SYT2: variants seen among roughly 807,000 people sequenced by gnomAD.
The protein encoded by SYT2 is synaptotagmin 2.
A neutral mutation model predicts 39.9 loss-of-function variants in SYT2; 15 were observed. The observed-to-expected ratio is 0.38, with a 90% CI of 0.25 to 0.58. The LOEUF is 0.58. Among genes scored for constraint, SYT2 ranks in the 20% least tolerant of loss-of-function variants. SYT2 has a pLI of 0.70. For missense variants in SYT2, 389 were observed against 530.3 expected, an observed-to-expected ratio of 0.73 and a Z score of 2.62; for synonymous variants, 181 against 204.5, an observed-to-expected ratio of 0.89 and a Z score of 0.98.
At chr1:202,641,527 G>A (rs1349434903) in intron 1 of SYT2, among the ~76,000 whole-genome samples, 3 of 152,198 alleles carry the variant, frequency 2.0e-5, no homozygotes, top group Non-Finnish European at 4.4e-5. Context: ...ACTGGGACTC[G>A]TCCGCAACAC....
chr1:202,640,540 G>A (rs1471516996), intron 1 of SYT2, among the ~76,000 whole-genome samples: 3 of 65,732 alleles, frequency 4.6e-5, no homozygotes, highest in African/African-American at 1.6e-4. Flanking sequence ...TGGCTTTACC[G>A]CCTCTCTGCT....
intron 1 of SYT2, among the ~76,000 whole-genome samples, chr1:202,622,652 G>A (rs369050695): frequency 3.9e-5 from 6 of 152,124 alleles, no homozygotes; most frequent in African/African-American, 9.7e-5. Flanking sequence ...GCCTCCCTGC[G>A]CTTGTGCAGC....
At chr1:202,672,777 G>GA (rs1249057694) in intron 1 of SYT2, among the ~76,000 whole-genome samples, 2 of 89,790 alleles carry the variant, frequency 2.2e-5, no homozygotes, top group Non-Finnish European at 4.6e-5. Context: ...GAGGGAGGGA[G>GA]GGAGAGAGAG....
chr1:202,680,130 T>A (rs1653487603), intron 1 of SYT2, among the ~76,000 whole-genome samples: 1 of 152,208 alleles, frequency 6.6e-6, no homozygotes, highest in Admixed American at 6.5e-5. Context: ...TATTTGTTTC[T>A]ATATCCCAGA....
Position 202,667,204 on chromosome 1 carries a change from A to ATT in SYT2, c.-18+43053_-18+43054insAA, listed in dbSNP as rs1195504583. Reference sequence around the variant, plus strand: ...ACTACCACTCCTAGGGCTGGGAGGAAAAAAAGGAGGAGGTGGTGTTATTGG... The same window carrying ATT: ...ACTACCACTCCTAGGGCTGGGAGGAATTAAAAAGGAGGAGGTGGTGTTATTGG... On this transcript the variant is annotated intron_variant, in intron 1 of 8. Transcript: ENST00000367268. Among the ~76,000 whole-genome samples the ATT allele has an allele frequency of 3.0e-3, 432 of 145,302 alleles. 3 individuals are homozygous for ATT. Among genetic ancestry groups the ATT allele is most frequent in the African/African-American group, 0.012 (416 of 34,924 alleles).
At position 202,601,280 on chromosome 1, in the gene SYT2, CAG is replaced by C. The variant is rs1403485926; in HGVS notation, c.801+608_801+609del. Among the ~76,000 whole-genome samples, 1 of 152,200 alleles carries C rather than the reference CAG, an allele frequency of 6.6e-6. No homozygotes were observed. Among genetic ancestry groups the C allele is most frequent in the Non-Finnish European group, 1.5e-5 (1 of 68,046 alleles). ...GGTGTGCTGGCCTTCCTCCCAGGCACAGGGGACAAAAGGGAAAAAAGGATGTC... is the reference window on the plus strand; with the variant it reads ...GGTGTGCTGGCCTTCCTCCCAGGCACGGGACAAAAGGGAAAAAAGGATGTC... On this transcript the variant is annotated intron_variant, in intron 6 of 8. Coordinates refer to ENST00000367268, the MANE Select transcript of SYT2 (RefSeq NM_177402.5). The surrounding 1 kb of genome is among the most constrained non-coding windows in gnomAD (Gnocchi z 4.0).
intron 1 of SYT2, among the ~76,000 whole-genome samples, chr1:202,703,336 C>T (rs894581049): frequency 6.6e-6 from 1 of 150,978 alleles, no homozygotes; most frequent in Non-Finnish European, 1.5e-5. Flanking sequence ...ACCACAAATG[C>T]CTCATTTGAC....
chr1:202,687,988 G>A (rs1379986121), intron 1 of SYT2, among the ~76,000 whole-genome samples: 1 of 152,170 alleles, frequency 6.6e-6, no homozygotes, highest in Non-Finnish European at 1.5e-5. Flanking sequence ...TGGAGGCGGT[G>A]CCCTGGATGA....
At chr1:202,669,615 T>C (rs1692543878) in intron 1 of SYT2, among the ~76,000 whole-genome samples, 1 of 151,584 alleles carries the variant, frequency 6.6e-6, no homozygotes, top group East Asian at 1.9e-4. Context: ...TTAAATTAGC[T>C]GGGCCTAGTG....
At chr1:202,620,156 T>C (rs1251940060) in intron 1 of SYT2, among the ~76,000 whole-genome samples, 1 of 152,156 alleles carries the variant, frequency 6.6e-6, no homozygotes, top group East Asian at 1.9e-4. Flanking sequence ...ACGCAGGAAT[T>C]CCCTTCTCTC....
rs34702742 is a variant in SYT2 at position 202,594,701 on chromosome 1, T to TAC, written c.*2054_*2055dup. ...AGAGTCTTACCTTCCCATCATTAAG[T>TAC]ACACACACACACACACACACACACA... is the stretch of plus-strand genomic sequence containing the variant. On this transcript the variant is annotated 3_prime_UTR_variant, in exon 9 of 9. Coordinates refer to ENST00000367268, the MANE Select transcript of SYT2 (RefSeq NM_177402.5). 0.15 allele frequency: 21,084 copies of TAC among 143,420 alleles called. 1,820 individuals are homozygous for TAC. Among genetic ancestry groups the TAC allele is most frequent in the Non-Finnish European group, 0.2 (13,182 of 65,484 alleles). The allele number at this position is 143,420 out of a possible 1,614,324, so 8.9% of individuals were successfully genotyped here.
At chr1:202,632,283 C>A (rs1308379732) in intron 1 of SYT2, 3 of 179,280 alleles carry the variant, frequency 1.7e-5, no homozygotes, top group Non-Finnish European at 3.2e-5. Flanking sequence ...TAAGCCCAAC[C>A]TAGCTCTCTG....
rs577090108 is a variant in SYT2, at chr1:202,605,475, C to T, written c.178+120G>A. ...CTGCAGGGGCTCTCCAAAAACCCAGCCTGAAATCTAAGCATTAGGAAAGAG... is the reference window on the plus strand; with the variant it reads ...CTGCAGGGGCTCTCCAAAAACCCAGTCTGAAATCTAAGCATTAGGAAAGAG... On this transcript the variant is annotated intron_variant, in intron 2 of 8. Transcript: ENST00000367268. 18 of 975,524 alleles carry T rather than the reference C, an allele frequency of 1.8e-5. No individual in the cohort carries two copies. The Admixed American group carries it at 4.0e-4, about 21-fold the overall frequency. 60.4% of individuals were successfully genotyped at this position (975,524 alleles called of 1,614,324 possible). A position where few individuals can be genotyped will look rare whatever the true frequency, so the allele number is the denominator to read the frequency against.
Position 202,596,302 on chromosome 1 carries a change from CACACAT to C in SYT2, c.*449_*454del, listed in dbSNP as rs776266935. 7,072 of 45,494 alleles carry C rather than the reference CACACAT, an allele frequency of 0.16. 547 individuals are homozygous for C. The highest frequency in any genetic ancestry group is 0.28 in the Admixed American group (1,211 of 4,318). The allele number at this position is 45,494 out of a possible 1,614,324, so 2.8% of individuals were successfully genotyped here. A position where few individuals can be genotyped will look rare whatever the true frequency, so the allele number is the denominator to read the frequency against. On this transcript the variant is annotated 3_prime_UTR_variant, in exon 9 of 9. Coordinates refer to ENST00000367268, the MANE Select transcript of SYT2 (RefSeq NM_177402.5). ...ACACACACACACACACACACACACA[CACACAT>C]ACACACACACACACACACACACACA...
intron 1 of SYT2, among the ~76,000 whole-genome samples, chr1:202,640,286 C>G (rs1247160617): frequency 6.7e-6 from 1 of 149,060 alleles, no homozygotes; most frequent in Non-Finnish European, 1.5e-5. Flanking sequence ...GCAGAGCCAG[C>G]AGGGTCACGG....
intron 1 of SYT2, among the ~76,000 whole-genome samples, chr1:202,664,223 T>G (rs1316871963): frequency 1.3e-5 from 2 of 152,104 alleles, no homozygotes; most frequent in East Asian, 3.9e-4. Context: ...TCCATGAGGC[T>G]CCTGTGAAGT....
chr1:202,626,983 C>T (rs758092701), intron 1 of SYT2, among the ~76,000 whole-genome samples: 20 of 152,194 alleles, frequency 1.3e-4, no homozygotes, highest in Non-Finnish European at 2.5e-4. Flanking sequence ...CTCCTCTCAG[C>T]GGGGCTAGGC....
chr1:202,663,858 G>A (rs1332768070), intron 1 of SYT2, among the ~76,000 whole-genome samples: 2 of 152,134 alleles, frequency 1.3e-5, no homozygotes, highest in African/African-American at 4.8e-5. Flanking sequence ...TGGGCTCTTA[G>A]AGGAACGGAT....
chr1:202,664,905 T>G (rs2149107160), intron 1 of SYT2, among the ~76,000 whole-genome samples: 1 of 152,296 alleles, frequency 6.6e-6, no homozygotes, highest in Non-Finnish European at 1.5e-5. Context: ...GTGATCTGCC[T>G]GCCTTGGCCT....
Sources: gnomAD v4.1 joint callset for allele counts (sites outside exome capture counted in the v4.1 genomes callset) on GRCh38, gnomAD v4.1.1 for gene constraint, Gnocchi (gnomAD v3.1) non-coding constraint, MANE v1.5 for transcripts, NCBI Gene and HGNC (gene_info 2026-07-23, HGNC 2026-07-21) for gene names.